The following PKNOX2 variants were observed in gnomAD, a reference collection of about 807,000 sequenced individuals.
The protein encoded by PKNOX2 is PBX/knotted 1 homeobox 2, also known as homeobox protein PKNOX2.
PKNOX2 carries 14 observed loss-of-function variants against 53.1 expected under a neutral mutation model. That is an observed-to-expected ratio of 0.26 (90% CI 0.17 to 0.41). PKNOX2 has a LOEUF of 0.41. PKNOX2 is among the 10% of genes least tolerant of loss of function. The probability of loss-of-function intolerance (pLI) is 1.00; values close to 1 mark genes in which losing one functional copy is unlikely to be tolerated. For missense variants in PKNOX2, 496 were observed against 602.8 expected (o/e 0.82, Z 1.85); for synonymous variants, 257 against 242.8 (o/e 1.06, Z -0.54).
At chr11:125,194,430 C>T (rs1957064464) in intron 1 of PKNOX2, among the ~76,000 whole-genome samples, 1 of 152,162 alleles carries the variant, frequency 6.6e-6, no homozygotes, top group African/African-American at 2.4e-5. Context: ...GGGGGATTCA[C>T]AGGCAAGGAG....
At chr11:125,305,913 C>G (rs757407716) in intron 2 of PKNOX2, among the ~76,000 whole-genome samples, 2 of 152,150 alleles carry the variant, frequency 1.3e-5, no homozygotes, top group Non-Finnish European at 2.9e-5. Flanking sequence ...TATTTTTGAG[C>G]AAGGATATAA....
intron 1 of PKNOX2, among the ~76,000 whole-genome samples, chr11:125,214,866 A>G (rs1591483329): frequency 6.6e-6 from 1 of 151,642 alleles, no homozygotes; most frequent in Admixed American, 6.6e-5. Flanking sequence ...CTCTATCCAT[A>G]GTGGCTCAAA....
At chr11:125,221,390 G>C (rs1024793956) in intron 1 of PKNOX2, among the ~76,000 whole-genome samples, 24 of 152,192 alleles carry the variant, frequency 1.6e-4, no homozygotes, top group African/African-American at 5.8e-4. Context: ...GATAAGTGCA[G>C]TGTGTTTGGG....
At chr11:125,316,490 T>C (rs1949201583) in intron 2 of PKNOX2, among the ~76,000 whole-genome samples, 1 of 152,164 alleles carries the variant, frequency 6.6e-6, no homozygotes, top group Non-Finnish European at 1.5e-5. Flanking sequence ...GATCATTCCA[T>C]TACAGGCATA....
chr11:125,173,077 T>A (rs1039747272), intron 1 of PKNOX2, among the ~76,000 whole-genome samples: 5 of 152,172 alleles, frequency 3.3e-5, no homozygotes, highest in African/African-American at 1.2e-4. Flanking sequence ...AGTGTGCACA[T>A]CACTTAACCC....
At chr11:125,306,634 C>T (rs1026522001) in intron 2 of PKNOX2, among the ~76,000 whole-genome samples, 2 of 152,184 alleles carry the variant, frequency 1.3e-5, no homozygotes, top group Admixed American at 6.5e-5. Flanking sequence ...TCAGCTGTAA[C>T]GTTCCTTCGA....
chr11:125,259,519 C>T (rs576391588), intron 2 of PKNOX2, among the ~76,000 whole-genome samples: 2 of 152,132 alleles, frequency 1.3e-5, no homozygotes, highest in African/African-American at 2.4e-5. Context: ...TGTACCCTGG[C>T]CCCCCTGCAT....
chr11:125,410,503 T>C, intron 8 of PKNOX2, 178 bp downstream of exon 8: 1 of 926,256 alleles, frequency 1.1e-6, no homozygotes, highest in Non-Finnish European at 1.6e-6. Context: ...CCAATTGTGA[T>C]GGTTTAGAAC....
intron 1 of PKNOX2, among the ~76,000 whole-genome samples, chr11:125,234,590 T>C (rs1334931366): frequency 6.6e-6 from 1 of 152,208 alleles, no homozygotes; most frequent in Non-Finnish European, 1.5e-5. Context: ...CGTTGTCGTT[T>C]GCTTGCCTTT....
chr11:125,243,495 G>T, intron 2 of PKNOX2, among the ~76,000 whole-genome samples: 1 of 152,216 alleles, frequency 6.6e-6, no homozygotes, highest in East Asian at 1.9e-4. Flanking sequence ...CTCTGCCAAA[G>T]ATGCTTTTCG....
rs914140854 is a variant in PKNOX2 at position 125,165,929 on chromosome 11, C to G, written c.-201+1153C>G. On this transcript the variant is annotated intron_variant, in intron 1 of 12. Coordinates refer to ENST00000298282, the MANE Select transcript of PKNOX2 (RefSeq NM_001382323.2). This position sits in a 1 kb window ranked among gnomAD's most constrained non-coding sequence, Gnocchi z 4.5. ...CTGGCTCCCGATCCCCAGGAAGAAACGAGCGAAATGGGCCGTCCTTTCCCG... is the reference window on the plus strand; with the variant it reads ...CTGGCTCCCGATCCCCAGGAAGAAAGGAGCGAAATGGGCCGTCCTTTCCCG... 2.0e-5 allele frequency among the ~76,000 whole-genome samples: 3 copies of G among 152,114 alleles called. No individual in the cohort carries two copies. Among genetic ancestry groups the G allele is most frequent in the Non-Finnish European group, 2.9e-5 (2 of 68,020 alleles).
chr11:125,332,322 C>A (rs1950189970), intron 3 of PKNOX2, among the ~76,000 whole-genome samples: 1 of 152,106 alleles, frequency 6.6e-6, no homozygotes, highest in Non-Finnish European at 1.5e-5. Flanking sequence ...AATGCAGTTC[C>A]AGGACCCCAA....
intron 5 of PKNOX2, among the ~76,000 whole-genome samples, chr11:125,373,422 A>T (rs941330584): frequency 2.0e-5 from 3 of 152,194 alleles, no homozygotes; most frequent in African/African-American, 7.2e-5. Context: ...CCATCACTGG[A>T]CACTAAAACT....
At chr11:125,347,041 A>G (rs1300158047) in intron 3 of PKNOX2, among the ~76,000 whole-genome samples, 1 of 152,206 alleles carries the variant, frequency 6.6e-6, no homozygotes, top group African/African-American at 2.4e-5. Flanking sequence ...GGGGCTGAGA[A>G]AGACACTTGA....
At chr11:125,270,014 A>G (rs1945667765) in intron 2 of PKNOX2, among the ~76,000 whole-genome samples, 2 of 152,206 alleles carry the variant, frequency 1.3e-5, no homozygotes, top group African/African-American at 4.8e-5. Context: ...AGATGAAAAT[A>G]TCCAGTTTCT....
At chr11:125,194,280 C>G (rs1308079621) in intron 1 of PKNOX2, among the ~76,000 whole-genome samples, 1 of 152,210 alleles carries the variant, frequency 6.6e-6, no homozygotes, top group East Asian at 1.9e-4. Context: ...TCCCCTTCCC[C>G]ACCCCAGGCC....
chr11:125,189,152 A>G (rs370610489), intron 1 of PKNOX2, among the ~76,000 whole-genome samples: 2 of 151,702 alleles, frequency 1.3e-5, no homozygotes, highest in East Asian at 1.9e-4. Flanking sequence ...GAAGAGGGGT[A>G]TAGGTGAATT....
At position 125,287,276 on chromosome 11, in the gene PKNOX2, A is replaced by T. The variant is rs1012791725; in HGVS notation, c.-129-44543A>T. Among the ~76,000 whole-genome samples, 6 of 152,124 alleles carry T rather than the reference A, an allele frequency of 3.9e-5. No individual in the cohort carries two copies. In the East Asian group the frequency reaches 9.6e-4, roughly 24 times the overall value. On this transcript the variant is annotated intron_variant, in intron 2 of 12. Coordinates refer to ENST00000298282, the MANE Select transcript of PKNOX2 (RefSeq NM_001382323.2). Reference sequence around the variant, plus strand: ...CCCAGAGCCCGGGCTGAACCACAACACCGTGCTGTTTAGAAGGTAGCCATT... The same window carrying T: ...CCCAGAGCCCGGGCTGAACCACAACTCCGTGCTGTTTAGAAGGTAGCCATT...
chr11:125,287,028 C>T (rs1946950562), intron 2 of PKNOX2, among the ~76,000 whole-genome samples: 1 of 152,206 alleles, frequency 6.6e-6, no homozygotes, highest in Admixed American at 6.5e-5. Context: ...GTCTCTGATG[C>T]CTGTGAATTT....
Sources: allele counts gnomAD v4.1 joint callset (sites outside exome capture counted in the v4.1 genomes callset), GRCh38; gene constraint gnomAD v4.1.1; non-coding constraint Gnocchi (gnomAD v3.1); transcripts MANE v1.5; gene names NCBI Gene and HGNC (gene_info 2026-07-23, HGNC 2026-07-21).